Variants in RBFOX2 observed in about 807,000 individuals in gnomAD.
RBFOX2 encodes RNA binding fox-1 homolog 2.
In RBFOX2, 10 loss-of-function variants were observed where a neutral mutation model predicts 49.1. The ratio of observed to expected loss-of-function variants is 0.20; its 90% CI spans 0.13 to 0.35. The LOEUF (loss-of-function observed/expected upper bound fraction) is 0.35. Among genes scored for constraint, RBFOX2 ranks in the 10% least tolerant of loss-of-function variants. The pLI is 1.00. For synonymous variants in RBFOX2, 183 were observed against 187.4 expected (o/e 0.98, Z 0.19); for missense variants, 323 against 486.9 (o/e 0.66, Z 3.17).
chr22:35,856,718 G>A (rs2042555462), intron 1 of RBFOX2, among the ~76,000 whole-genome samples: 2 of 151,918 alleles, frequency 1.3e-5, no homozygotes, highest in Admixed American at 1.3e-4. Flanking sequence ...TATATATGCA[G>A]GCAAAATATG....
upstream of RBFOX2, among the ~76,000 whole-genome samples, chr22:35,842,039 A>C (rs1219334964): frequency 6.6e-6 from 1 of 152,202 alleles, no homozygotes; most frequent in African/African-American, 2.4e-5. Context: ...TTGTGAATTC[A>C]ATTTTTAAAA....
Position 35,995,833 on chromosome 22 carries a change from G to A in RBFOX2, c.186+32407C>T, listed in dbSNP as rs560055102. 3.9e-5 allele frequency: 6 copies of A among 152,486 alleles called. No homozygotes were observed. In the South Asian group the frequency reaches 1.0e-3, roughly 26 times the overall value. 9.4% of individuals were successfully genotyped at this position (152,486 alleles called of 1,614,324 possible). A position where few individuals can be genotyped will look rare whatever the true frequency, so the allele number is the denominator to read the frequency against. The stretch of plus-strand genomic sequence containing the variant: ...TAGTTCTTTACAGCAGTGTGAGAAC[G>A]GACTAATACACCAACAAGAAAATCT... On this transcript the variant is annotated intron_variant, in intron 1 of 13. Transcript: ENST00000438146.
At chr22:36,026,228 G>C (rs1046933549) in intron 1 of RBFOX2, among the ~76,000 whole-genome samples, 3 of 148,826 alleles carry the variant, frequency 2.0e-5, no homozygotes, top group African/African-American at 7.4e-5. Flanking sequence ...AGTGAGCCGA[G>C]ATCGTGCCAT....
intron 1 of RBFOX2, among the ~76,000 whole-genome samples, chr22:35,926,560 T>C (rs1334659451): frequency 6.6e-6 from 1 of 152,022 alleles, no homozygotes; most frequent in African/African-American, 2.4e-5. Context: ...GGACTAACAA[T>C]CACAGCTCAA....
intron 1 of RBFOX2, among the ~76,000 whole-genome samples, chr22:35,855,669 A>G (rs991834637): frequency 1.3e-5 from 2 of 149,814 alleles, no homozygotes; most frequent in African/African-American, 4.9e-5. Flanking sequence ...TCAGCCTCCC[A>G]AAGTGCTGGG....
chr22:35,865,704 T>C lies in RBFOX2; in HGVS notation c.-33-55700A>G, dbSNP rs192825308. ...TCAAAAACATTTAGCTGCAAATAGA[T>C]GAGTATGATTACACAGTGTTGCCTC... On this transcript the variant is annotated intron_variant, in intron 1 of 13. Transcript: ENST00000359369. Among the ~76,000 whole-genome samples the C allele has an allele frequency of 1.1e-3, 166 of 152,276 alleles. 2 individuals are homozygous for C. Among genetic ancestry groups the C allele is most frequent in the Admixed American group, 4.5e-3 (69 of 15,276 alleles).
At chr22:35,920,342 G>A (rs2050891987) in intron 1 of RBFOX2, among the ~76,000 whole-genome samples, 1 of 152,160 alleles carries the variant, frequency 6.6e-6, no homozygotes, top group South Asian at 2.1e-4. Flanking sequence ...CAGCCTCTAT[G>A]TCAAAAAGCC....
At chr22:35,744,013 T>C in exon 12 of RBFOX2, 2 of 463,728 alleles carry the variant, frequency 4.3e-6, no homozygotes, top group Non-Finnish European at 7.4e-6. Context: ...GGCAGAAATT[T>C]AAAGGAAAAA....
intron 1 of RBFOX2, among the ~76,000 whole-genome samples, chr22:36,015,609 C>T (rs1044294376): frequency 1.3e-5 from 2 of 152,142 alleles, no homozygotes; most frequent in African/African-American, 2.4e-5. Context: ...CTATCTTATC[C>T]CCTAGAAACT....
intron 1 of RBFOX2, among the ~76,000 whole-genome samples, chr22:36,000,645 G>A (rs1320846643): frequency 6.6e-6 from 1 of 152,076 alleles, no homozygotes; most frequent in Non-Finnish European, 1.5e-5. Context: ...CAAGGTACCC[G>A]GGAATGTTTT....
intron 1 of RBFOX2, among the ~76,000 whole-genome samples, chr22:35,928,254 G>T (rs2051914746): frequency 6.6e-6 from 1 of 152,112 alleles, no homozygotes; most frequent in African/African-American, 2.4e-5. Context: ...GTCTGTTGGG[G>T]GGGCAGGGGT....
intron 1 of RBFOX2, among the ~76,000 whole-genome samples, chr22:35,937,806 G>A (rs550774987): frequency 4.6e-5 from 7 of 152,086 alleles, no homozygotes; most frequent in African/African-American, 1.4e-4. Context: ...GGCCAGGCTG[G>A]TCTCAAACTC....
Position 35,840,057 on chromosome 22 carries a change from G to T in RBFOX2, c.27+135C>A. 7 of 1,219,414 alleles carry T rather than the reference G, an allele frequency of 5.7e-6. No individual in the cohort carries two copies. In the South Asian group the frequency reaches 6.4e-5, roughly 11 times the overall value. The allele number at this position is 1,219,414 out of a possible 1,614,324, so 75.5% of individuals were successfully genotyped here. A position where few individuals can be genotyped will look rare whatever the true frequency, so the allele number is the denominator to read the frequency against. On this transcript the variant is annotated intron_variant, in intron 1 of 11. Transcript: ENST00000405409. ...GGACTCAACAGACACAGACTTTTCA[G>T]CTGATAACAATAAATCTGGTCTGTT...
At chr22:35,789,236 T>C (rs1947069747) in intron 2 of RBFOX2, among the ~76,000 whole-genome samples, 1 of 152,118 alleles carries the variant, frequency 6.6e-6, no homozygotes, top group Non-Finnish European at 1.5e-5. Context: ...TTTTGGGATT[T>C]TGGAATTGTG....
At chr22:35,851,681 G>T (rs961341239) in intron 1 of RBFOX2, among the ~76,000 whole-genome samples, 2 of 151,870 alleles carry the variant, frequency 1.3e-5, no homozygotes, top group African/African-American at 4.8e-5. Flanking sequence ...ACAAAAATTA[G>T]CTGGGCGTGG....
chr22:35,844,474 A>G (rs1369900972), upstream of RBFOX2, among the ~76,000 whole-genome samples: 1 of 151,966 alleles, frequency 6.6e-6, no homozygotes, highest in Non-Finnish European at 1.5e-5. Flanking sequence ...GCACTTGGAG[A>G]TATCTTCAAA....
chr22:35,940,713 T>C (rs1446295757), upstream of RBFOX2, among the ~76,000 whole-genome samples: 1 of 152,116 alleles, frequency 6.6e-6, no homozygotes, highest in Non-Finnish European at 1.5e-5. Flanking sequence ...GATGAATGGA[T>C]AAATGAAGTA....
At chr22:36,003,293 T>C (rs2058499630) in intron 1 of RBFOX2, among the ~76,000 whole-genome samples, 1 of 152,246 alleles carries the variant, frequency 6.6e-6, no homozygotes, top group South Asian at 2.1e-4. Flanking sequence ...TATTGATTCA[T>C]TTCATTCATT....
At chr22:35,857,594 G>C (rs906540448) in intron 1 of RBFOX2, among the ~76,000 whole-genome samples, 1 of 152,192 alleles carries the variant, frequency 6.6e-6, no homozygotes, top group Admixed American at 6.5e-5. Flanking sequence ...GGAGAGGTCA[G>C]GGTTAGACAC....
Sources: gnomAD v4.1 joint callset for allele counts (sites outside exome capture counted in the v4.1 genomes callset) on GRCh38, gnomAD v4.1.1 for gene constraint, MANE v1.5 for transcripts, NCBI Gene and HGNC (gene_info 2026-07-23, HGNC 2026-07-21) for gene names.